Variants in RAP1GDS1 observed in about 807,000 individuals in gnomAD.
RAP1GDS1 encodes Rap1 GTPase-GDP dissociation stimulator 1.
A neutral mutation model predicts 71.1 loss-of-function variants in RAP1GDS1; 35 were observed. That is an observed-to-expected ratio of 0.49 (90% CI 0.38 to 0.65). The LOEUF (loss-of-function observed/expected upper bound fraction) is 0.65. RAP1GDS1 is among the 30% of genes least tolerant of loss of function. The pLI, the probability that RAP1GDS1 is intolerant of heterozygous loss-of-function variation, is 0.00. For synonymous variants in RAP1GDS1, 229 were observed against 243.1 expected, an observed-to-expected ratio of 0.94 and a Z score of 0.54; for missense variants, 663 against 706.1, an observed-to-expected ratio of 0.94 and a Z score of 0.69.
chr4:98,428,879 A>G (rs1749993350), intron 12 of RAP1GDS1, among the ~76,000 whole-genome samples: 1 of 152,222 alleles, frequency 6.6e-6, no homozygotes, highest in African/African-American at 2.4e-5. Flanking sequence ...TACAAAAAAT[A>G]TACTTGCACA....
intron 1 of RAP1GDS1, among the ~76,000 whole-genome samples, chr4:98,274,482 T>C (rs1044584847): frequency 1.2e-4 from 18 of 152,332 alleles, no homozygotes; most frequent in African/African-American, 4.3e-4. Flanking sequence ...TTTTCCCTAT[T>C]GATGAATAAT....
intron 1 of RAP1GDS1, among the ~76,000 whole-genome samples, chr4:98,276,700 C>T (rs917734980): frequency 2.0e-5 from 3 of 152,106 alleles, no homozygotes; most frequent in African/African-American, 7.2e-5. Context: ...TCTAAGGATA[C>T]AGAAGGAAAT....
rs912257121 is a variant in RAP1GDS1 at position 98,282,897 on chromosome 4, C to T, written c.5-10511C>T. The stretch of plus-strand genomic sequence containing the variant: ...TATTTACCTAGTAGTCATTCAGGAG[C>T]GGGTTGTTCAGTTTCCATGTAGTTG... On this transcript the variant is annotated intron_variant, in intron 1 of 14. Transcript: ENST00000408927. 2.0e-5 allele frequency among the ~76,000 whole-genome samples: 3 copies of T among 152,178 alleles called. No individual in the cohort carries two copies. The East Asian group carries it at 5.8e-4, about 29-fold the overall frequency.
intron 5 of RAP1GDS1, chr4:98,379,373 G>C: frequency 2.1e-6 from 1 of 473,322 alleles, no homozygotes; most frequent in Non-Finnish European, 3.5e-6. Flanking sequence ...AGGGCTGCCA[G>C]TTTTGATCAG....
chr4:98,268,229 C>T (rs1722968559), intron 1 of RAP1GDS1, among the ~76,000 whole-genome samples: 2 of 152,138 alleles, frequency 1.3e-5, no homozygotes, highest in African/African-American at 2.4e-5. Flanking sequence ...ATACGATCAT[C>T]TCAGTTGATG....
At position 98,261,516 on chromosome 4, in the gene RAP1GDS1, A is replaced by G; in HGVS notation, c.-50A>G. 2.5e-6 allele frequency: 4 copies of G among 1,575,670 alleles called. No individual in the cohort carries two copies. The highest frequency in any genetic ancestry group is 1.8e-5 in the Admixed American group (1 of 57,050). Reference sequence around the variant, plus strand: ...GAGGACACAGAGCCGCGCCGCCCGCACCACAGACCTTCGCCTCGCCCCGCC... The same window carrying G: ...GAGGACACAGAGCCGCGCCGCCCGCGCCACAGACCTTCGCCTCGCCCCGCC... On this transcript the variant is annotated 5_prime_UTR_variant, in exon 1 of 15. Transcript: ENST00000408927.
intron 2 of RAP1GDS1, among the ~76,000 whole-genome samples, chr4:98,335,390 G>A (rs891137249): frequency 1.3e-5 from 2 of 152,100 alleles, no homozygotes; most frequent in African/African-American, 2.4e-5. Context: ...GCAGTCTTCT[G>A]TGATAGTTTT....
chr4:98,292,200 C>T (rs1419678307), intron 1 of RAP1GDS1, among the ~76,000 whole-genome samples: 1 of 151,588 alleles, frequency 6.6e-6, no homozygotes. Flanking sequence ...AATCCTAGCT[C>T]CCTGTAGACT....
At chr4:98,439,998 AC>A (rs1193063366) in intron 14 of RAP1GDS1, among the ~76,000 whole-genome samples, 1 of 151,564 alleles carries the variant, frequency 6.6e-6, no homozygotes, top group Non-Finnish European at 1.5e-5. Flanking sequence ...CTCCCCATTT[AC>A]CCCTCCCCAC....
At chr4:98,378,768 A>C (rs1318550769) in intron 4 of RAP1GDS1, among the ~76,000 whole-genome samples, 1 of 151,914 alleles carries the variant, frequency 6.6e-6, no homozygotes, top group Non-Finnish European at 1.5e-5. Flanking sequence ...AAGTTCTGTA[A>C]GCTCCTATAT....
At chr4:98,274,445 A>G (rs1334049854) in intron 1 of RAP1GDS1, among the ~76,000 whole-genome samples, 2 of 152,170 alleles carry the variant, frequency 1.3e-5, no homozygotes, top group African/African-American at 4.8e-5. Flanking sequence ...TGTTTTCCCT[A>G]CTGGTTCAAT....
At chr4:98,369,099 A>G (rs1739969122) in intron 4 of RAP1GDS1, among the ~76,000 whole-genome samples, 1 of 152,194 alleles carries the variant, frequency 6.6e-6, no homozygotes, top group Non-Finnish European at 1.5e-5. Context: ...ACTGCCCTTT[A>G]TAAAACCATC....
chr4:98,421,319 A>G lies in RAP1GDS1; in HGVS notation c.1365A>G (p.Glu455=). 1 of 1,612,498 alleles carries G rather than the reference A, an allele frequency of 6.2e-7. No homozygotes were observed. The highest frequency in any genetic ancestry group is 8.5e-7 in the Non-Finnish European group (1 of 1,179,018). ...KLVERLVEWC[E]AKDHAGVMGE... ...TGGAGCGTTTGGTGGAATGGTGTGA[A>G]GCCAAAGATCATGCTGGTGTGATGG... is the stretch of plus-strand genomic sequence containing the variant. Residue 455 remains glutamate, a synonymous_variant, in exon 12 of 15, where the codon GAA becomes GAG. Transcript: ENST00000408927.
chr4:98,394,610 T>G (rs1670731920), intron 6 of RAP1GDS1, among the ~76,000 whole-genome samples: 1 of 152,116 alleles, frequency 6.6e-6, no homozygotes, highest in African/African-American at 2.4e-5. Flanking sequence ...TGTGATTTAT[T>G]TAGTAATACT....
In RAP1GDS1 at chr4:98,341,636, T is replaced by C. The variant is rs76872769; in HGVS notation, c.113-1503T>C. ...TATGACCCAGTGTTCTAAGGTTATA[T>C]TTCTTCTGGTAGCAATGGTCAGAAA... On this transcript the variant is annotated intron_variant, in intron 2 of 14. Coordinates refer to ENST00000408927, the MANE Select transcript of RAP1GDS1 (RefSeq NM_001100427.2). Among the ~76,000 whole-genome samples, 895 of 152,312 alleles carry C rather than the reference T, an allele frequency of 5.9e-3. 11 individuals are homozygous for C. Among genetic ancestry groups the C allele is most frequent in the African/African-American group, 0.021 (861 of 41,568 alleles).
At chr4:98,279,768 C>G (rs1183866085) in intron 1 of RAP1GDS1, among the ~76,000 whole-genome samples, 2 of 152,046 alleles carry the variant, frequency 1.3e-5, no homozygotes, top group African/African-American at 4.8e-5. Flanking sequence ...CTGTCCCCAC[C>G]CCATGACAGG....
At chr4:98,351,556 G>C (rs1345041469) in intron 3 of RAP1GDS1, among the ~76,000 whole-genome samples, 1 of 152,070 alleles carries the variant, frequency 6.6e-6, no homozygotes, top group African/African-American at 2.4e-5. Flanking sequence ...GGATAAATTA[G>C]TTCTTTGTTA....
At chr4:98,382,937 T>C (rs1440244134) in intron 5 of RAP1GDS1, among the ~76,000 whole-genome samples, 3 of 151,640 alleles carry the variant, frequency 2.0e-5, no homozygotes, top group Non-Finnish European at 3.0e-5. Context: ...TAGTAACAAG[T>C]ACCAGATCTG....
intron 2 of RAP1GDS1, among the ~76,000 whole-genome samples, chr4:98,301,748 G>T (rs1728619866): frequency 6.6e-6 from 1 of 152,148 alleles, no homozygotes; most frequent in Non-Finnish European, 1.5e-5. Context: ...TCTTAGATTA[G>T]ATTCTAACAT....
Sources: gnomAD v4.1 joint callset for allele counts (sites outside exome capture counted in the v4.1 genomes callset) on GRCh38, gnomAD v4.1.1 for gene constraint, MANE v1.5 for transcripts, NCBI Gene and HGNC (gene_info 2026-07-23, HGNC 2026-07-21) for gene names.